Variants in CPNE7 observed in about 807,000 individuals in gnomAD.
CPNE7 encodes the protein copine-7.
CPNE7 carries 78 observed loss-of-function variants against 66.5 expected under a neutral mutation model. The observed-to-expected ratio is 1.17, with a 90% CI of 0.98 to 1.42. The LOEUF (loss-of-function observed/expected upper bound fraction) is 1.42, where lower values mean the gene tolerates loss of function less well. Ranked by LOEUF, CPNE7 falls within the 40% of genes most tolerant of loss-of-function variation. CPNE7 has a pLI of 0.00. For synonymous variants in CPNE7, 468 were observed against 336.7 expected (o/e 1.39, Z -4.27); for missense variants, 1,012 against 776.6 (o/e 1.30, Z -3.60).
rs1023576454 is a variant in CPNE7, at chr16:89,593,259, G to C, written c.1302+1999G>C. Among the ~76,000 whole-genome samples the C allele has an allele frequency of 4.6e-5, 7 of 152,152 alleles. No homozygotes were observed. In the South Asian group the frequency reaches 1.2e-3, roughly 27 times the overall value. On this transcript the variant is annotated intron_variant, in intron 13 of 14. Coordinates refer to ENST00000319518, the MANE Select transcript of CPNE7 (RefSeq NM_153636.3). ...TTTTAATTTATACAGATAGTATCGT[G>C]ATAAAGACTTTGATGCTTTTTAAAA...
intron 9 of CPNE7, chr16:89,587,663 A>G (rs2059077599): frequency 2.3e-6 from 1 of 428,460 alleles, no homozygotes; most frequent in African/African-American, 2.1e-5. Context: ...CCCCCATGTC[A>G]CCCGCAGACC....
At chr16:89,590,498 C>A (rs892457508) in intron 11 of CPNE7, among the ~76,000 whole-genome samples, 4 of 152,040 alleles carry the variant, frequency 2.6e-5, no homozygotes, top group African/African-American at 9.7e-5. Context: ...GCAGTCCAGC[C>A]TGGCCTGTAG....
intron 2 of CPNE7, among the ~76,000 whole-genome samples, chr16:89,579,538 A>C (rs963043534): frequency 1.4e-5 from 2 of 146,006 alleles, no homozygotes; most frequent in Non-Finnish European, 3.0e-5. Context: ...CACTTGTCAC[A>C]TCTCACCCAT....
Position 89,595,383 on chromosome 16 carries a change from T to C in CPNE7, c.1319T>C (p.Leu440Pro). 1 of 1,581,228 alleles carries C rather than the reference T, an allele frequency of 6.3e-7. No individual in the cohort carries two copies. The highest frequency in any genetic ancestry group is 8.6e-7 in the Non-Finnish European group (1 of 1,159,634). Residue 440 changes from leucine (L) to proline (P), a missense_variant, in exon 14 of 15, where the codon CTG becomes CCG. Leu to Pro is a moderately conservative substitution (Grantham distance 98, BLOSUM62 -3). Transcript: ENST00000319518. ...TGCCCCCAGCAATACTACATCCTGC[T>C]GATCCTGACGGACGGCGTGGTGACC... The part of the protein sequence containing the change: ...TGKASQYYIL[L>P]ILTDGVVTDM...
rs2059079134 is a variant in CPNE7, at chr16:89,587,694, CACA to C, written c.927+593_927+595del. On this transcript the variant is annotated intron_variant, in intron 9 of 14. Transcript: ENST00000319518. ...AGACCCCGCGTCACCCATAGATACG[CACA>C]CCCCGTGTCACCCCCATAGCACCCC... 18 of 381,862 alleles carry C rather than the reference CACA, an allele frequency of 4.7e-5. 1 individual carries two copies. The highest frequency in any genetic ancestry group is 7.1e-5 in the Non-Finnish European group (13 of 182,806). The allele number at this position is 381,862 out of a possible 1,614,324, so 23.7% of individuals were successfully genotyped here.
intron 2 of CPNE7, among the ~76,000 whole-genome samples, chr16:89,581,546 C>T (rs2058960051): frequency 1.3e-5 from 2 of 152,228 alleles, no homozygotes; most frequent in South Asian, 4.1e-4. Flanking sequence ...AGCTGGCGTG[C>T]CATCGATCCT....
rs779336772 is a variant in CPNE7 at position 89,595,806 on chromosome 16, G to A, written c.1539+203G>A. On this transcript the variant is annotated intron_variant, in intron 14 of 14. Coordinates refer to ENST00000319518, the MANE Select transcript of CPNE7 (RefSeq NM_153636.3). ...CACCTGAAACACCCTCCACCGTTTT[G>A]AAACTTGTCGAATCTACACAAAAGC... 22 of 690,356 alleles carry A rather than the reference G, an allele frequency of 3.2e-5. No individual in the cohort carries two copies. The South Asian group carries it at 3.3e-4, about 10-fold the overall frequency. The allele number at this position is 690,356 out of a possible 1,614,324, so 42.8% of individuals were successfully genotyped here.
At position 89,596,587 on chromosome 16, in the gene CPNE7, C is replaced by G; in HGVS notation, c.1643C>G (p.Pro548Arg). The change falls in exon 15 of 15, where the codon CCT (proline) becomes CGT (arginine). Residue 548 changes from proline to arginine, a missense_variant. Physicochemically the swap from Pro to Arg is moderately radical, Grantham distance 103 (BLOSUM62 -2). Coordinates refer to ENST00000319518, the MANE Select transcript of CPNE7 (RefSeq NM_153636.3). ...CTGCCCCCGAGAAGCCTGGGTGTCC[C>G]TGCCGGAGAGGCCAGCCCAGGCTGC... ...RGLPPRSLGVPAGEASPGCTP is the reference protein window; with the variant it reads ...RGLPPRSLGVRAGEASPGCTP 2 of 1,607,224 alleles carry G rather than the reference C, an allele frequency of 1.2e-6. No homozygotes were observed. Among genetic ancestry groups the G allele is most frequent in the Non-Finnish European group, 8.5e-7 (1 of 1,179,522 alleles).
intron 10 of CPNE7, among the ~76,000 whole-genome samples, chr16:89,589,688 C>T (rs887592991): frequency 3.3e-5 from 5 of 152,278 alleles, no homozygotes; most frequent in East Asian, 3.9e-4. Context: ...GGCAGGCTCG[C>T]GGGCGGCAGG....
intron 10 of CPNE7, among the ~76,000 whole-genome samples, chr16:89,589,643 A>AG (rs1029490389): frequency 1.3e-5 from 2 of 152,106 alleles, no homozygotes; most frequent in African/African-American, 4.8e-5. Flanking sequence ...AGGCGTCTGC[A>AG]GGGGGACAGC....
In CPNE7 at chr16:89,590,539, AAAAC is replaced by A. The variant is rs917331672; in HGVS notation, c.1117-465_1117-462del. The stretch of plus-strand genomic sequence containing the variant: ...GACTCTGTTTTAAAAAAGAAAAAAG[AAAAC>A]AACAAAAAACTTCAACTGGCTTCAG... On this transcript the variant is annotated intron_variant, in intron 11 of 14. Transcript: ENST00000319518. Among the ~76,000 whole-genome samples the A allele has an allele frequency of 2.8e-4, 42 of 151,974 alleles. 1 individual carries two copies. The highest frequency in any genetic ancestry group is 9.7e-4 in the African/African-American group (40 of 41,392).
At chr16:89,583,855 C>T (rs2058994002) in intron 3 of CPNE7, 84 bp downstream of exon 3, 8 of 1,523,328 alleles carry the variant, frequency 5.3e-6, no homozygotes, top group East Asian at 4.6e-5. Context: ...TGGGCAGCAG[C>T]GTGCCGTCCA....
intron 8 of CPNE7, 44 bp from the exon 9 acceptor site, chr16:89,586,999 C>G: frequency 6.4e-7 from 1 of 1,553,180 alleles, no homozygotes. Flanking sequence ...GCACTGGCCT[C>G]AGTGTCCCTG....
At chr16:89,589,873 G>A in intron 10 of CPNE7, 24 bp from the exon 11 acceptor site, 3 of 1,613,270 alleles carry the variant, frequency 1.9e-6, no homozygotes, top group Non-Finnish European at 2.5e-6. Context: ...AGGGCCTCCT[G>A]GTGACCTCCT....
At chr16:89,578,489 G>C (rs1280884488) in intron 2 of CPNE7, among the ~76,000 whole-genome samples, 1 of 152,146 alleles carries the variant, frequency 6.6e-6, no homozygotes, top group Non-Finnish European at 1.5e-5. Context: ...GCCGGCCGTG[G>C]TGGCTCACAC....
In CPNE7 at chr16:89,585,448, C is replaced by T; in HGVS notation, c.592-16C>T. The T allele has an allele frequency of 6.2e-7, 1 of 1,600,300 alleles. No homozygotes were observed. Among genetic ancestry groups the T allele is most frequent in the Non-Finnish European group, 8.5e-7 (1 of 1,171,004 alleles). On this transcript the variant is annotated splice_polypyrimidine_tract_variant and intron_variant, in intron 5 of 14. Transcript: ENST00000319518. Reference sequence around the variant, plus strand: ...GGCCCTGGGCCTCCCCTGAGCCAGCCCCTCCCGGCCCACAGGTGGTGAAGA... The same window carrying T: ...GGCCCTGGGCCTCCCCTGAGCCAGCTCCTCCCGGCCCACAGGTGGTGAAGA...
intron 2 of CPNE7, among the ~76,000 whole-genome samples, chr16:89,582,039 G>A (rs1204899132): frequency 6.6e-6 from 1 of 152,226 alleles, no homozygotes; most frequent in Non-Finnish European, 1.5e-5. Context: ...CACAGGGTCC[G>A]TGTGGACACC....
At chr16:89,579,223 C>T (rs956992373) in intron 2 of CPNE7, among the ~76,000 whole-genome samples, 2 of 151,076 alleles carry the variant, frequency 1.3e-5, no homozygotes, top group East Asian at 3.9e-4. Context: ...ACCTGGGAGG[C>T]AGAGGTTTCA....
chr16:89,575,931 AC>A lies in CPNE7; in HGVS notation c.39del (p.Gly15ValfsTer112). On this transcript the variant is annotated frameshift_variant, in exon 1 of 15. Coordinates refer to ENST00000319518, the MANE Select transcript of CPNE7 (RefSeq NM_153636.3). LOFTEE classifies it high-confidence loss of function. ...SAGSERGAAA[T>X]PGGLPAPCAS... The stretch of plus-strand genomic sequence containing the variant: ...GGGCTCGGAGCGCGGGGCGGCGGCA[AC>A]CCCCGGGGGTTTGCCCGCGCCCTGC... The A allele has an allele frequency of 1.6e-6, 2 of 1,267,066 alleles. No individual in the cohort carries two copies. The highest frequency in any genetic ancestry group is 2.6e-5 in the South Asian group (1 of 38,316). The allele number at this position is 1,267,066 out of a possible 1,614,324, so 78.5% of individuals were successfully genotyped here.
Sources: gnomAD v4.1 joint callset for allele counts (sites outside exome capture counted in the v4.1 genomes callset) on GRCh38, gnomAD v4.1.1 for gene constraint, MANE v1.5 for transcripts, NCBI Gene and HGNC (gene_info 2026-07-23, HGNC 2026-07-21) for gene names.